WWOX: variants seen among roughly 807,000 people sequenced by gnomAD.
WWOX encodes the protein WW domain containing oxidoreductase, also known as WW domain-containing oxidoreductase.
A neutral mutation model predicts 46.2 loss-of-function variants in WWOX; 69 were observed. That is an observed-to-expected ratio of 1.49 (90% CI 1.23 to 1.82). The LOEUF (loss-of-function observed/expected upper bound fraction) is 1.82. Ranked by LOEUF, WWOX falls within the 40% of genes most tolerant of loss-of-function variation. The probability of loss-of-function intolerance (pLI) is 0.00; values close to 1 mark genes in which losing one functional copy is unlikely to be tolerated. For missense variants in WWOX, 919 were observed against 542.6 expected (o/e 1.69, Z -6.89); for synonymous variants, 359 against 202.6 (o/e 1.77, Z -6.56).
intron 5 of WWOX, among the ~76,000 whole-genome samples, chr16:78,369,537 G>C (rs1172034180): frequency 6.6e-6 from 1 of 152,186 alleles, no homozygotes; most frequent in Non-Finnish European, 1.5e-5. Context: ...CACTCGGCCT[G>C]CGCTGGCCAC....
At chr16:78,589,874 A>G (rs1239400863) in intron 8 of WWOX, among the ~76,000 whole-genome samples, 1 of 152,144 alleles carries the variant, frequency 6.6e-6, no homozygotes, top group African/African-American at 2.4e-5. Context: ...GGGGGGAAAA[A>G]TGGAAAACTC....
At chr16:78,634,860 G>A (rs924111334) in intron 8 of WWOX, among the ~76,000 whole-genome samples, 1 of 151,830 alleles carries the variant, frequency 6.6e-6, no homozygotes, top group Admixed American at 6.6e-5. Flanking sequence ...GTGTGTGTGT[G>A]TGTGTGTGTG....
intron 8 of WWOX, among the ~76,000 whole-genome samples, chr16:78,676,641 C>G (rs1016894204): frequency 6.6e-6 from 1 of 152,158 alleles, no homozygotes; most frequent in Non-Finnish European, 1.5e-5. Context: ...GCTGGATGTT[C>G]TGCATATTTG....
At chr16:78,624,626 C>G (rs1057138579) in intron 8 of WWOX, among the ~76,000 whole-genome samples, 7 of 152,132 alleles carry the variant, frequency 4.6e-5, no homozygotes, top group Admixed American at 2.0e-4. Flanking sequence ...TCACTCATTT[C>G]TATGGCAAGC....
chr16:79,210,007 G>C (rs2051664987), intron 8 of WWOX, among the ~76,000 whole-genome samples: 1 of 152,166 alleles, frequency 6.6e-6, no homozygotes, highest in Non-Finnish European at 1.5e-5. Flanking sequence ...AGATTGGGGA[G>C]GTAACAAACC....
chr16:78,840,215 C>T (rs1315098212), intron 8 of WWOX, among the ~76,000 whole-genome samples: 3 of 152,104 alleles, frequency 2.0e-5, no homozygotes, highest in African/African-American at 4.8e-5. Context: ...AAATAATTAC[C>T]ATCACTAATC....
At chr16:79,153,616 C>G (rs760692435) in intron 8 of WWOX, among the ~76,000 whole-genome samples, 1 of 152,092 alleles carries the variant, frequency 6.6e-6, no homozygotes. Flanking sequence ...CAATAAAGAA[C>G]CTCTAGATTT....
chr16:78,311,406 A>G (rs996131854), intron 5 of WWOX, among the ~76,000 whole-genome samples: 3 of 152,256 alleles, frequency 2.0e-5, no homozygotes, highest in Non-Finnish European at 4.4e-5. Flanking sequence ...ACTGGGAGAC[A>G]GAAGGTATGC....
chr16:78,821,980 G>A (rs539703945), intron 8 of WWOX, among the ~76,000 whole-genome samples: 1 of 152,248 alleles, frequency 6.6e-6, no homozygotes, highest in East Asian at 1.9e-4. Flanking sequence ...AGGCTCAAGC[G>A]ATCCTTCTGC....
intron 8 of WWOX, among the ~76,000 whole-genome samples, chr16:79,046,047 C>T (rs1019412791): frequency 6.6e-6 from 1 of 152,074 alleles, no homozygotes; most frequent in Admixed American, 6.5e-5. Context: ...GATGATCTGT[C>T]TGCCTTGCCC....
chr16:78,651,414 C>T (rs997854966), intron 8 of WWOX, among the ~76,000 whole-genome samples: 6 of 152,186 alleles, frequency 3.9e-5, no homozygotes, highest in Admixed American at 6.5e-5. Flanking sequence ...CAGTGTTTTA[C>T]TCTGGCAGGA....
At chr16:78,763,093 C>T (rs565893463) in intron 8 of WWOX, among the ~76,000 whole-genome samples, 4 of 152,304 alleles carry the variant, frequency 2.6e-5, no homozygotes, top group South Asian at 2.1e-4. Flanking sequence ...TGAGCACCTA[C>T]TCTGTGCCAA....
At chr16:79,128,393 A>C (rs1441297179) in intron 8 of WWOX, among the ~76,000 whole-genome samples, 6 of 152,196 alleles carry the variant, frequency 3.9e-5, no homozygotes, top group East Asian at 1.9e-4. Flanking sequence ...AAACAAAAAA[A>C]AAAACACTAA....
intron 8 of WWOX, among the ~76,000 whole-genome samples, chr16:78,968,167 CGCGTGGTCTGCGTGGCACAGT>C (rs1567446128): frequency 9.6e-4 from 28 of 29,106 alleles, no homozygotes; most frequent in East Asian, 2.1e-3. Flanking sequence ...CGTGGCACAG[CGCGTGGTCTGCGTGGCACAGT>C]GCGTGGTCTG....
At chr16:78,846,412 G>C (rs188088423) in intron 8 of WWOX, among the ~76,000 whole-genome samples, 181 of 151,944 alleles carry the variant, frequency 1.2e-3, no homozygotes, top group Non-Finnish European at 2.2e-3. Context: ...CTCTGGTCTG[G>C]GACAGTTTCT....
intron 8 of WWOX, among the ~76,000 whole-genome samples, chr16:78,482,796 GT>G (rs2084528613): frequency 6.6e-6 from 1 of 152,150 alleles, no homozygotes; most frequent in South Asian, 2.1e-4. Context: ...GACGCAGAAC[GT>G]ATGTTTCATT....
At chr16:78,314,234 G>C (rs201628276) in intron 5 of WWOX, among the ~76,000 whole-genome samples, 3 of 151,606 alleles carry the variant, frequency 2.0e-5, no homozygotes, top group Non-Finnish European at 4.4e-5. Context: ...GTGAAACCCC[G>C]TCTCTACTAA....
At chr16:78,616,456 G>A (rs1035349020) in intron 8 of WWOX, among the ~76,000 whole-genome samples, 1 of 151,100 alleles carries the variant, frequency 6.6e-6, no homozygotes, top group African/African-American at 2.4e-5. Context: ...AACTCTCTGG[G>A]GTATCTTTTA....
chr16:78,548,385 G>A lies in WWOX; in HGVS notation c.1056+115633G>A, dbSNP rs370253331. ...TGCTTAGAAAATAAATGTGACTCAC[G>A]CAGAGCAGAATCCGAATTTTCTAAG... On this transcript the variant is annotated intron_variant, in intron 8 of 8. Coordinates refer to ENST00000566780, the MANE Select transcript of WWOX (RefSeq NM_016373.4). Among the ~76,000 whole-genome samples, 17 of 151,946 alleles carry A rather than the reference G, an allele frequency of 1.1e-4. No individual in the cohort carries two copies. The East Asian group carries it at 2.3e-3, about 21-fold the overall frequency.
Sources: allele counts gnomAD v4.1 joint callset (sites outside exome capture counted in the v4.1 genomes callset), GRCh38; gene constraint gnomAD v4.1.1; transcripts MANE v1.5; gene names NCBI Gene and HGNC (gene_info 2026-07-23, HGNC 2026-07-21).